LHPP: variants seen among roughly 807,000 people sequenced by gnomAD.
LHPP encodes phospholysine phosphohistidine inorganic pyrophosphate phosphatase.
A neutral mutation model predicts 30.3 loss-of-function variants in LHPP; 24 were observed. The observed-to-expected ratio is 0.79, with a 90% CI of 0.57 to 1.11. The LOEUF is 1.11. Among genes scored for constraint, LHPP ranks in the 50% most tolerant of loss-of-function variants. LHPP has a pLI of 0.00. For synonymous variants in LHPP, 150 were observed against 157.1 expected, an observed-to-expected ratio of 0.95 and a Z score of 0.34; for missense variants, 356 against 367.2, an observed-to-expected ratio of 0.97 and a Z score of 0.25.
intron 3 of LHPP, among the ~76,000 whole-genome samples, chr10:124,489,417 T>C (rs1321743303): frequency 1.3e-5 from 2 of 152,202 alleles, no homozygotes; most frequent in Non-Finnish European, 2.9e-5. Flanking sequence ...CAAATGGATA[T>C]GTCTTGGGGC....
intron 6 of LHPP, among the ~76,000 whole-genome samples, chr10:124,608,089 C>T (rs1023130298): frequency 4.6e-5 from 7 of 152,138 alleles, no homozygotes; most frequent in Non-Finnish European, 5.9e-5. Context: ...TGGTCCTTCC[C>T]GCAGGCACCC....
At chr10:124,562,263 C>T (rs191084297) in intron 6 of LHPP, among the ~76,000 whole-genome samples, 19 of 152,140 alleles carry the variant, frequency 1.2e-4, no homozygotes, top group African/African-American at 3.1e-4. Flanking sequence ...GCTGAGATCA[C>T]GCCACTGCAC....
chr10:124,597,055 G>A (rs774445384), intron 6 of LHPP, among the ~76,000 whole-genome samples: 11 of 152,138 alleles, frequency 7.2e-5, no homozygotes, highest in Non-Finnish European at 8.8e-5. Context: ...TCCGTCTCCC[G>A]TGCTGGATGC....
intron 6 of LHPP, among the ~76,000 whole-genome samples, chr10:124,601,961 G>C (rs1242944407): frequency 6.6e-6 from 1 of 152,314 alleles, no homozygotes; most frequent in South Asian, 2.1e-4. Context: ...TCCTTCTCCA[G>C]GTCCCGTTGA....
intron 1 of LHPP, among the ~76,000 whole-genome samples, chr10:124,477,512 C>A (rs1314591464): frequency 1.3e-5 from 2 of 152,156 alleles, no homozygotes; most frequent in Non-Finnish European, 2.9e-5. Flanking sequence ...ACCAACCCTC[C>A]ACCCCTTTGC....
At chr10:124,542,121 G>C (rs1283001471) in intron 6 of LHPP, among the ~76,000 whole-genome samples, 1 of 152,202 alleles carries the variant, frequency 6.6e-6, no homozygotes, top group Non-Finnish European at 1.5e-5. Flanking sequence ...ACTGTGCCTG[G>C]GACCGCAGTT....
Position 124,593,069 on chromosome 10 carries a change from AG to A in LHPP, c.717-20190del, listed in dbSNP as rs1214466089. Reference sequence around the variant, plus strand: ...CGGGTACAAGTTGCTAGGGAAATACAGGGGGAGGGTGCTGCCCTCCCCACTG... The same window carrying A: ...CGGGTACAAGTTGCTAGGGAAATACAGGGGAGGGTGCTGCCCTCCCCACTG... On this transcript the variant is annotated intron_variant, in intron 6 of 6. Coordinates refer to ENST00000368842, the MANE Select transcript of LHPP (RefSeq NM_022126.4). This position sits in a 1 kb window ranked among gnomAD's most constrained non-coding sequence, Gnocchi z 4.9. Among the ~76,000 whole-genome samples, 1 of 152,194 alleles carries A rather than the reference AG, an allele frequency of 6.6e-6. No homozygotes were observed. The highest frequency in any genetic ancestry group is 1.5e-5 in the Non-Finnish European group (1 of 68,036).
At chr10:124,591,086 G>A (rs545531228) in intron 6 of LHPP, among the ~76,000 whole-genome samples, 6 of 152,178 alleles carry the variant, frequency 3.9e-5, no homozygotes, top group Non-Finnish European at 5.9e-5. Context: ...GAAATAAGCC[G>A]GGGGGAAGGG....
At chr10:124,480,061 A>G (rs1001491998) in intron 1 of LHPP, among the ~76,000 whole-genome samples, 1 of 152,246 alleles carries the variant, frequency 6.6e-6, no homozygotes, top group East Asian at 1.9e-4. Context: ...GTCCTTACCC[A>G]GATGCAAGGC....
At chr10:124,471,271 G>C (rs1468722347) in intron 1 of LHPP, among the ~76,000 whole-genome samples, 4 of 150,640 alleles carry the variant, frequency 2.7e-5, no homozygotes, top group Non-Finnish European at 5.9e-5. Flanking sequence ...TGTTTGGTTA[G>C]TCACAGGTCA....
rs1302409956 is a variant in LHPP, at chr10:124,496,292, A to AGCCTGGCC, written c.468-667_468-660dup. ...CTCAGTGTGACGCGATCGTAGGGTG[A>AGCCTGGCC]GCCTGGCCGGGCTGCAGCCAGCCAC... On this transcript the variant is annotated intron_variant, in intron 3 of 6. Transcript: ENST00000368842. This position sits in a 1 kb window ranked among gnomAD's most constrained non-coding sequence, Gnocchi z 4.3. 6.6e-6 allele frequency among the ~76,000 whole-genome samples: 1 copy of AGCCTGGCC among 152,132 alleles called. No individual in the cohort carries two copies. Among genetic ancestry groups the AGCCTGGCC allele is most frequent in the African/African-American group, 2.4e-5 (1 of 41,434 alleles).
Position 124,541,868 on chromosome 10 carries a change from C to T in LHPP, c.716+24597C>T, listed in dbSNP as rs1187863225. 1.3e-5 allele frequency among the ~76,000 whole-genome samples: 2 copies of T among 152,138 alleles called. No homozygotes were observed. The highest frequency in any genetic ancestry group is 4.8e-5 in the African/African-American group (2 of 41,428). ...GTGACCTTTCCTTCACCCCTACTTC[C>T]CCACTGCAAGGGTGCTGCCTCCCCA... is the stretch of plus-strand genomic sequence containing the variant. On this transcript the variant is annotated intron_variant, in intron 6 of 6. Transcript: ENST00000368842. This position sits in a 1 kb window ranked among gnomAD's most constrained non-coding sequence, Gnocchi z 4.2.
intron 6 of LHPP, among the ~76,000 whole-genome samples, chr10:124,528,095 T>G (rs1954791856): frequency 6.6e-6 from 1 of 152,178 alleles, no homozygotes; most frequent in Admixed American, 6.5e-5. Context: ...TTTCCTCATG[T>G]GTCAAGTGGG....
rs4962659 is a variant in LHPP, at chr10:124,576,835, T to C, written c.717-36429T>C. Among the ~76,000 whole-genome samples, 21,994 of 151,892 alleles carry C rather than the reference T, an allele frequency of 0.14. 1,683 individuals are homozygous for C. Among genetic ancestry groups the C allele is most frequent in the East Asian group, 0.26 (1,315 of 5,126 alleles). ...CTGTCCTTCCGTAGCCCACGATACC[T>C]CATCCAGCCCGGGCCCGTGGGTGGG... is the stretch of plus-strand genomic sequence containing the variant. On this transcript the variant is annotated intron_variant, in intron 6 of 6. Coordinates refer to ENST00000368842, the MANE Select transcript of LHPP (RefSeq NM_022126.4). The surrounding 1 kb of genome is among the most constrained non-coding windows in gnomAD (Gnocchi z 4.2).
intron 5 of LHPP, among the ~76,000 whole-genome samples, chr10:124,502,108 T>A (rs1953919582): frequency 1.3e-5 from 2 of 151,940 alleles, no homozygotes; most frequent in Admixed American, 1.3e-4. Context: ...TAGTACAAAA[T>A]GTTCACGTGT....
At position 124,550,375 on chromosome 10, in the gene LHPP, T is replaced by C. The variant is rs7092848; in HGVS notation, c.716+33104T>C. Among the ~76,000 whole-genome samples the C allele has an allele frequency of 4.2e-3, 645 of 152,352 alleles. 3 individuals carry two copies. Among genetic ancestry groups the C allele is most frequent in the African/African-American group, 0.015 (627 of 41,574 alleles). On this transcript the variant is annotated intron_variant, in intron 6 of 6. Coordinates refer to ENST00000368842, the MANE Select transcript of LHPP (RefSeq NM_022126.4). ...CCCCGACACAAGGCACAGCCTTTCT[T>C]GTGGCTGTCAGGAGAGAGGGCCTGT...
intron 5 of LHPP, among the ~76,000 whole-genome samples, chr10:124,512,898 A>C (rs867018287): frequency 9.9e-5 from 15 of 152,106 alleles, no homozygotes; most frequent in Admixed American, 3.9e-4. Context: ...ATGGAGAGCA[A>C]ATTCCACCTG....
chr10:124,481,685 C>T lies in LHPP; in HGVS notation c.126-2454C>T, dbSNP rs74626060. ...ACTGAGCCACCATGCTCTGCCTTAT[C>T]TGCCCTCTCAGTGGTCCTCCACTCC... is the stretch of plus-strand genomic sequence containing the variant. On this transcript the variant is annotated intron_variant, in intron 1 of 6. Coordinates refer to ENST00000368842, the MANE Select transcript of LHPP (RefSeq NM_022126.4). Among the ~76,000 whole-genome samples, 5 of 152,238 alleles carry T rather than the reference C, an allele frequency of 3.3e-5. No individual in the cohort carries two copies. The East Asian group carries it at 9.7e-4, about 29-fold the overall frequency.
chr10:124,504,084 C>CA (rs1215309132), intron 5 of LHPP, among the ~76,000 whole-genome samples: 2 of 152,084 alleles, frequency 1.3e-5, no homozygotes, highest in Non-Finnish European at 2.9e-5. Flanking sequence ...CCCAGCTACT[C>CA]AGGAGGCTGA....
Sources: gnomAD v4.1 joint callset for allele counts (sites outside exome capture counted in the v4.1 genomes callset) on GRCh38, gnomAD v4.1.1 for gene constraint, Gnocchi (gnomAD v3.1) non-coding constraint, MANE v1.5 for transcripts, NCBI Gene and HGNC (gene_info 2026-07-23, HGNC 2026-07-21) for gene names.